Variants in STIMATE observed in about 807,000 individuals in gnomAD.
STIMATE encodes the protein store-operated calcium entry regulator STIMATE.
Under a neutral mutation model 36.7 loss-of-function variants are expected in STIMATE, and 15 were observed. The observed-to-expected ratio is 0.41, with a 90% CI of 0.27 to 0.63. The LOEUF is 0.63. STIMATE is among the 20% of genes least tolerant of loss of function. STIMATE has a pLI of 0.32. For missense variants in STIMATE, 305 were observed against 397.3 expected, an observed-to-expected ratio of 0.77 and a Z score of 1.98; for synonymous variants, 163 against 162.3, an observed-to-expected ratio of 1.00 and a Z score of -0.03.
At chr3:52,843,002 T>A in intron 6 of STIMATE, 42 bp from the exon 7 acceptor site, 1 of 1,613,056 alleles carries the variant, frequency 6.2e-7, no homozygotes, top group Non-Finnish European at 8.5e-7. Context: ...GATAAACCAT[T>A]TTTCAAAGCA....
intron 1 of STIMATE, among the ~76,000 whole-genome samples, chr3:52,867,255 C>T (rs1419712943): frequency 6.6e-6 from 1 of 152,190 alleles, no homozygotes; most frequent in Non-Finnish European, 1.5e-5. Context: ...AACCTTAAAG[C>T]AGGAGGATCA....
At chr3:52,859,781 A>G (rs1204879241) in intron 1 of STIMATE, among the ~76,000 whole-genome samples, 1 of 152,056 alleles carries the variant, frequency 6.6e-6, no homozygotes, top group African/African-American at 2.4e-5. Context: ...TTTACGAAAG[A>G]AAAGACAAAC....
intron 1 of STIMATE, among the ~76,000 whole-genome samples, chr3:52,880,240 C>T (rs1013825218): frequency 2.0e-5 from 3 of 152,196 alleles, no homozygotes; most frequent in South Asian, 2.1e-4. Context: ...CCAATCAGCA[C>T]GCATCCTTCT....
chr3:52,860,397 T>G (rs1701198068), intron 1 of STIMATE, among the ~76,000 whole-genome samples: 1 of 149,040 alleles, frequency 6.7e-6, no homozygotes, highest in Non-Finnish European at 1.5e-5. Context: ...CCGAGGAAGG[T>G]GCAGGCCAAG....
intron 1 of STIMATE, among the ~76,000 whole-genome samples, chr3:52,876,735 C>T (rs759340421): frequency 8.6e-5 from 13 of 152,036 alleles, no homozygotes; most frequent in Non-Finnish European, 1.5e-4. Flanking sequence ...TGTAAGAATA[C>T]CATATATAAT....
At position 52,849,799 on chromosome 3, in the gene STIMATE, G is replaced by A. The variant is rs766402787; in HGVS notation, c.420C>T (p.Gly140=). 4.0e-5 allele frequency: 65 copies of A among 1,612,642 alleles called. No homozygotes were observed. The highest frequency in any genetic ancestry group is 5.3e-5 in the Non-Finnish European group (62 of 1,179,938). ...EWQQWESLRF[G]EYGDPLQCGA... ...GCATCCACAGCATATTACCATATTC[G>A]CCGAAGCGCAGGGACTCCCACTGCT... Residue 140 remains glycine, a synonymous_variant, in exon 4 of 8, where the codon GGC becomes GGT. Coordinates refer to ENST00000355083, the MANE Select transcript of STIMATE (RefSeq NM_198563.5).
intron 1 of STIMATE, among the ~76,000 whole-genome samples, chr3:52,856,328 G>A (rs185733671): frequency 6.6e-6 from 1 of 152,318 alleles, no homozygotes; most frequent in South Asian, 2.1e-4. Context: ...TGCAGGAAAC[G>A]AAAAGCCAGG....
chr3:52,879,135 T>C (rs566379192), intron 1 of STIMATE, among the ~76,000 whole-genome samples: 1 of 152,336 alleles, frequency 6.6e-6, no homozygotes, highest in Admixed American at 6.5e-5. Context: ...CATAAGACCT[T>C]TGCCCTAGCT....
chr3:52,859,531 ATTTTTT>A (rs563622429), intron 1 of STIMATE, among the ~76,000 whole-genome samples: 18 of 18,818 alleles, frequency 9.6e-4, no homozygotes, highest in African/African-American at 2.2e-3. Context: ...AAAAAAAAAA[ATTTTTT>A]TTTTTTTTTT....
At chr3:52,895,591 A>G (rs906676644) in intron 1 of STIMATE, among the ~76,000 whole-genome samples, 3 of 152,230 alleles carry the variant, frequency 2.0e-5, no homozygotes, top group Admixed American at 6.5e-5. Context: ...AAAGAAGTGA[A>G]TATGTCCCTG....
intron 1 of STIMATE, among the ~76,000 whole-genome samples, chr3:52,887,993 A>ATTTTTTTT (rs1373427637): frequency 1.0e-3 from 20 of 19,892 alleles, no homozygotes; most frequent in Non-Finnish European, 1.9e-3. Context: ...TAACAGAATC[A>ATTTTTTTT]GTTTTTTTTT....
intron 4 of STIMATE, chr3:52,846,560 A>G (rs1334062657): frequency 6.6e-6 from 1 of 152,246 alleles, no homozygotes; most frequent in Non-Finnish European, 1.5e-5. Flanking sequence ...TCTGCTCTTC[A>G]GTTTTAAGTG....
At chr3:52,878,971 T>G (rs1178157717) in intron 1 of STIMATE, among the ~76,000 whole-genome samples, 1 of 152,172 alleles carries the variant, frequency 6.6e-6, no homozygotes, top group Non-Finnish European at 1.5e-5. Flanking sequence ...TTTGTGAGGG[T>G]GTTACACCTT....
intron 1 of STIMATE, among the ~76,000 whole-genome samples, chr3:52,890,639 C>A (rs896951136): frequency 6.6e-6 from 1 of 152,236 alleles, no homozygotes; most frequent in Non-Finnish European, 1.5e-5. Flanking sequence ...GCTTTCCTAG[C>A]AGTGGAGTAA....
At chr3:52,847,395 C>A (rs1054031888) in intron 4 of STIMATE, 2 of 1,273,314 alleles carry the variant, frequency 1.6e-6, no homozygotes, top group African/African-American at 1.5e-5. Flanking sequence ...CATGAAGCAC[C>A]GTGACCCAGA....
At chr3:52,882,005 G>T (rs1701613480) in intron 1 of STIMATE, among the ~76,000 whole-genome samples, 1 of 152,198 alleles carries the variant, frequency 6.6e-6, no homozygotes, top group African/African-American at 2.4e-5. Context: ...ATGGCCTAAA[G>T]AAGTAAACAT....
At chr3:52,859,167 A>AAAAATAAAT (rs1553628929) in intron 1 of STIMATE, among the ~76,000 whole-genome samples, 1 of 145,564 alleles carries the variant, frequency 6.9e-6, no homozygotes, top group Non-Finnish European at 1.5e-5. Flanking sequence ...CATCTCAAAA[A>AAAAATAAAT]AAATAAAATA....
At chr3:52,852,791 A>T in intron 2 of STIMATE, 93 bp from the exon 3 acceptor site, 2 of 1,482,134 alleles carry the variant, frequency 1.3e-6, no homozygotes, top group South Asian at 2.6e-5. Flanking sequence ...GAAGAAAGCC[A>T]CCCCAACCTT....
At chr3:52,866,251 C>G (rs1341577029) in intron 1 of STIMATE, among the ~76,000 whole-genome samples, 1 of 152,266 alleles carries the variant, frequency 6.6e-6, no homozygotes, top group African/African-American at 2.4e-5. Context: ...GCATGGTGTA[C>G]TAGCAAACCT....
Sources: gnomAD v4.1 joint callset for allele counts (sites outside exome capture counted in the v4.1 genomes callset) on GRCh38, gnomAD v4.1.1 for gene constraint, MANE v1.5 for transcripts, NCBI Gene and HGNC (gene_info 2026-07-23, HGNC 2026-07-21) for gene names.